MBOAT4: variants seen among roughly 807,000 people sequenced by gnomAD.
MBOAT4 encodes the protein membrane-bound ghrelin O-acyltransferase MBOAT4.
A neutral mutation model predicts 13.2 loss-of-function variants in MBOAT4; 11 were observed. That is an observed-to-expected ratio of 0.84 (90% CI 0.53 to 1.38). The LOEUF (loss-of-function observed/expected upper bound fraction) is 1.38. Ranked by LOEUF, MBOAT4 falls within the 40% of genes most tolerant of loss-of-function variation. The pLI, the probability that MBOAT4 is intolerant of heterozygous loss-of-function variation, is 0.00. For missense variants in MBOAT4, 481 were observed against 527.2 expected, an observed-to-expected ratio of 0.91 and a Z score of 0.86; for synonymous variants, 202 against 210.3, an observed-to-expected ratio of 0.96 and a Z score of 0.34.
Position 30,131,775 on chromosome 8 carries a change from T to C in MBOAT4, c.*168A>G. ...TATCCTCAGTACCAGCAGAATAGCT[T>C]GCTAAAGTAGATACACAAATTCCTA... On this transcript the variant is annotated 3_prime_UTR_variant, in exon 3 of 3. Transcript: ENST00000320542. 1 of 737,708 alleles carries C rather than the reference T, an allele frequency of 1.4e-6. No individual in the cohort carries two copies. The highest frequency in any genetic ancestry group is 2.1e-6 in the Non-Finnish European group (1 of 473,820). 45.7% of individuals were successfully genotyped at this position (737,708 alleles called of 1,614,324 possible).
chr8:30,133,141 T>C (rs1158960328), intron 2 of MBOAT4, among the ~76,000 whole-genome samples: 1 of 152,186 alleles, frequency 6.6e-6, no homozygotes, highest in African/African-American at 2.4e-5. Context: ...GATCTGAAAC[T>C]CCTGGGCTTA....
intron 2 of MBOAT4, among the ~76,000 whole-genome samples, chr8:30,136,914 C>A (rs1031401452): frequency 2.0e-5 from 3 of 152,050 alleles, no homozygotes; most frequent in Non-Finnish European, 4.4e-5. Flanking sequence ...TCTTGAACTC[C>A]TGGCCTCAAG....
chr8:30,137,539 G>A (rs957491546), intron 2 of MBOAT4: 1 of 1,385,616 alleles, frequency 7.2e-7, no homozygotes, highest in Non-Finnish European at 1.0e-6. Flanking sequence ...CACCATGTAG[G>A]CAACACGTGG....
intron 2 of MBOAT4, 40 bp from the exon 3 acceptor site, chr8:30,132,946 ATT>A (rs1803059164): frequency 1.4e-6 from 2 of 1,468,324 alleles, no homozygotes; most frequent in Non-Finnish European, 1.8e-6. Context: ...AACACTCTGT[ATT>A]TATTCTCTCT....
rs1447929105 is a variant in MBOAT4 at position 30,136,153 on chromosome 8, C to A, written c.344+2379G>T. ...TGGACTGAATGTGCCCCCAAAATTC[C>A]TGTGCTTATGGTCTAACCCCAGTAC... On this transcript the variant is annotated intron_variant, in intron 2 of 2. Transcript: ENST00000320542. Among the ~76,000 whole-genome samples, 7 of 152,296 alleles carry A rather than the reference C, an allele frequency of 4.6e-5. No homozygotes were observed. In the South Asian group the frequency reaches 1.2e-3, roughly 27 times the overall value.
intron 1 of MBOAT4, among the ~76,000 whole-genome samples, chr8:30,139,886 T>G (rs1803231941): frequency 6.6e-6 from 1 of 152,132 alleles, no homozygotes; most frequent in Non-Finnish European, 1.5e-5. Flanking sequence ...CTTGAGCCCA[T>G]GAGTTAGAGG....
intron 1 of MBOAT4, among the ~76,000 whole-genome samples, chr8:30,143,894 G>C (rs1237494443): frequency 6.6e-6 from 1 of 152,136 alleles, no homozygotes; most frequent in Non-Finnish European, 1.5e-5. Flanking sequence ...CTGTACCATC[G>C]CAACAACCAT....
At chr8:30,143,366 AATATATATATAT>A (rs1329756154) in intron 1 of MBOAT4, among the ~76,000 whole-genome samples, 20 of 20,436 alleles carry the variant, frequency 9.8e-4, no homozygotes, top group African/African-American at 1.4e-3. Context: ...AAAAAAAAAA[AATATATATATAT>A]ATATATATAT....
chr8:30,140,970 T>C (rs1009799872), intron 1 of MBOAT4, among the ~76,000 whole-genome samples: 1 of 152,038 alleles, frequency 6.6e-6, no homozygotes, highest in Admixed American at 6.6e-5. Context: ...CCCTAGTAAC[T>C]GGGACTATCG....
At chr8:30,135,449 C>A (rs534027333) in intron 2 of MBOAT4, among the ~76,000 whole-genome samples, 8 of 152,252 alleles carry the variant, frequency 5.3e-5, no homozygotes, top group Non-Finnish European at 8.8e-5. Flanking sequence ...AAATACGAAC[C>A]AGGCCCTGGC....
chr8:30,135,913 GAAA>G (rs36032566), intron 2 of MBOAT4, among the ~76,000 whole-genome samples: 2 of 128,892 alleles, frequency 1.6e-5, no homozygotes, highest in African/African-American at 3.0e-5. Context: ...GACCTTGTCT[GAAA>G]AAAAAAAAAA....
At position 30,132,522 on chromosome 8, in the gene MBOAT4, G is replaced by A. The variant is rs560382676; in HGVS notation, c.729C>T (p.Val243=). The A allele has an allele frequency of 6.4e-5, 100 of 1,551,718 alleles. 1 individual carries two copies. In the South Asian group the frequency reaches 7.9e-4, roughly 12 times the overall value. The part of the protein sequence containing the change: ...TDCQQFECIY[V]VWTTAGLFKL... ...TGAAAAGCCCAGCTGTGGTCCACAC[G>A]ACATAGATGCACTCGAATTGCTGGC... Residue 243 remains valine (V), a synonymous_variant, in exon 3 of 3, where the codon GTC becomes GTT. Coordinates refer to ENST00000320542, the MANE Select transcript of MBOAT4 (RefSeq NM_001100916.2).
At position 30,131,776 on chromosome 8, in the gene MBOAT4, G is replaced by T; in HGVS notation, c.*167C>A. On this transcript the variant is annotated 3_prime_UTR_variant, in exon 3 of 3. Transcript: ENST00000320542. ...ATCCTCAGTACCAGCAGAATAGCTT[G>T]CTAAAGTAGATACACAAATTCCTAC... 2 of 739,454 alleles carry T rather than the reference G, an allele frequency of 2.7e-6. No individual in the cohort carries two copies. Among genetic ancestry groups the T allele is most frequent in the Non-Finnish European group, 2.1e-6 (1 of 475,340 alleles). The allele number at this position is 739,454 out of a possible 1,614,324, so 45.8% of individuals were successfully genotyped here. A position where few individuals can be genotyped will look rare whatever the true frequency, so the allele number is the denominator to read the frequency against.
Position 30,138,549 on chromosome 8 carries a change from A to T in MBOAT4, c.327T>A (p.His109Gln). ...LGLHYTEYYL[H>Q]EPPSVRFCIT... ...CTGCTTACCTCACAGAAGGAGGCTCATGCAGATAATACTCAGTGTAGTGCA... is the reference window on the plus strand; with the variant it reads ...CTGCTTACCTCACAGAAGGAGGCTCTTGCAGATAATACTCAGTGTAGTGCA... The change falls in exon 2 of 3, where the codon CAT becomes CAA. Residue 109 changes from histidine (H) to glutamine (Q), a missense_variant. Transcript: ENST00000320542. The T allele has an allele frequency of 1.3e-6, 2 of 1,549,550 alleles. No individual in the cohort carries two copies. Among genetic ancestry groups the T allele is most frequent in the Non-Finnish European group, 1.7e-6 (2 of 1,145,304 alleles).
chr8:30,136,293 A>G (rs1940249548), intron 2 of MBOAT4, among the ~76,000 whole-genome samples: 1 of 152,206 alleles, frequency 6.6e-6, no homozygotes, highest in Non-Finnish European at 1.5e-5. Context: ...AGAACAGACA[A>G]TTAGGACACA....
intron 1 of MBOAT4, among the ~76,000 whole-genome samples, chr8:30,139,015 C>T (rs1325406502): frequency 1.3e-5 from 2 of 151,802 alleles, no homozygotes; most frequent in African/African-American, 4.8e-5. Flanking sequence ...TCTCTGTCAC[C>T]CAGGGTGAGT....
At chr8:30,138,821 A>T in intron 1 of MBOAT4, 65 bp from the exon 2 acceptor site, 1 of 1,306,846 alleles carries the variant, frequency 7.7e-7, no homozygotes, top group Non-Finnish European at 1.1e-6. Context: ...ATTACTGCAG[A>T]TGTCACTCCA....
chr8:30,140,800 T>C (rs756396515), intron 1 of MBOAT4, among the ~76,000 whole-genome samples: 1 of 152,184 alleles, frequency 6.6e-6, no homozygotes, highest in Non-Finnish European at 1.5e-5. Flanking sequence ...GTGTCTTTCA[T>C]GATAGTGGCC....
intron 2 of MBOAT4, 38 bp downstream of exon 2, chr8:30,138,494 T>C (rs753283695): frequency 3.5e-5 from 53 of 1,500,562 alleles, no homozygotes; most frequent in Middle Eastern, 1.7e-4. Context: ...AAGCAAACTG[T>C]AGGTGGGCTG....
Sources: gnomAD v4.1 joint callset for allele counts (sites outside exome capture counted in the v4.1 genomes callset) on GRCh38, gnomAD v4.1.1 for gene constraint, MANE v1.5 for transcripts, NCBI Gene and HGNC (gene_info 2026-07-23, HGNC 2026-07-21) for gene names.